TET1: variants seen among roughly 807,000 people sequenced by gnomAD.
The protein encoded by TET1 is methylcytosine dioxygenase TET1.
A neutral mutation model predicts 148.7 loss-of-function variants in TET1; 13 were observed. That is an observed-to-expected ratio of 0.09 (90% CI 0.06 to 0.14). The LOEUF (loss-of-function observed/expected upper bound fraction) is 0.14, where lower values mean the gene tolerates loss of function less well. TET1 is among the 10% of genes least tolerant of loss of function. The pLI, the probability that TET1 is intolerant of heterozygous loss-of-function variation, is 1.00. For synonymous variants in TET1, 907 were observed against 937.2 expected, an observed-to-expected ratio of 0.97 and a Z score of 0.59; for missense variants, 2,182 against 2,553.8, an observed-to-expected ratio of 0.85 and a Z score of 3.14.
At chr10:68,689,078 T>G (rs1293211578) in intron 11 of TET1, among the ~76,000 whole-genome samples, 1 of 152,246 alleles carries the variant, frequency 6.6e-6, no homozygotes, top group African/African-American at 2.4e-5. Context: ...AATGTCCTTT[T>G]GTAATTCTAC....
At chr10:68,618,094 G>A (rs936777229) in intron 3 of TET1, among the ~76,000 whole-genome samples, 1 of 151,950 alleles carries the variant, frequency 6.6e-6, no homozygotes, top group African/African-American at 2.4e-5. Context: ...GGGGTGGGGA[G>A]GGCATAGCAA....
chr10:68,606,219 T>G (rs2054121644), intron 3 of TET1, among the ~76,000 whole-genome samples: 1 of 151,948 alleles, frequency 6.6e-6, no homozygotes, highest in Non-Finnish European at 1.5e-5. Flanking sequence ...ATACAAATAT[T>G]CGCCAGGTGT....
At chr10:68,564,683 A>G (rs1194762582) in intron 1 of TET1, among the ~76,000 whole-genome samples, 1 of 152,166 alleles carries the variant, frequency 6.6e-6, no homozygotes, top group African/African-American at 2.4e-5. Context: ...TCATGTAGCT[A>G]TCTCTGCAGC....
At chr10:68,607,816 A>G (rs1256286306) in intron 3 of TET1, among the ~76,000 whole-genome samples, 4 of 148,214 alleles carry the variant, frequency 2.7e-5, no homozygotes, top group Non-Finnish European at 4.5e-5. Flanking sequence ...TATATAGAAT[A>G]TATAAATATG....
At chr10:68,683,609 T>C (rs1225919416) in intron 10 of TET1, among the ~76,000 whole-genome samples, 1 of 151,946 alleles carries the variant, frequency 6.6e-6, no homozygotes, top group Non-Finnish European at 1.5e-5. Flanking sequence ...AGATGGGGTT[T>C]CACCGTGTTA....
At chr10:68,683,309 C>G (rs1339359548) in intron 10 of TET1, among the ~76,000 whole-genome samples, 3 of 152,114 alleles carry the variant, frequency 2.0e-5, no homozygotes, top group Non-Finnish European at 4.4e-5. Flanking sequence ...GACGGAGTCT[C>G]ACTCTGTCGC....
intron 8 of TET1, among the ~76,000 whole-genome samples, chr10:68,679,043 G>A (rs2055401692): frequency 6.6e-6 from 1 of 152,138 alleles, no homozygotes; most frequent in African/African-American, 2.4e-5. Flanking sequence ...CGGGCGTGGT[G>A]GCTCATGCTT....
At chr10:68,597,397 A>G (rs2054001558) in intron 2 of TET1, among the ~76,000 whole-genome samples, 1 of 152,186 alleles carries the variant, frequency 6.6e-6, no homozygotes, top group Non-Finnish European at 1.5e-5. Flanking sequence ...ATATTGAACA[A>G]TTAACCTGGA....
At chr10:68,581,123 T>C (rs1013328010) in intron 2 of TET1, among the ~76,000 whole-genome samples, 4 of 152,210 alleles carry the variant, frequency 2.6e-5, no homozygotes, top group African/African-American at 9.6e-5. Flanking sequence ...CCTTAGACTT[T>C]ATTAAGTCAT....
chr10:68,662,705 A>C (rs536028656), intron 6 of TET1, among the ~76,000 whole-genome samples: 1 of 152,294 alleles, frequency 6.6e-6, no homozygotes, highest in Admixed American at 6.5e-5. Flanking sequence ...AGTTTGAGAC[A>C]AACCTGGGCA....
chr10:68,624,284 G>A (rs1255730953), intron 3 of TET1, among the ~76,000 whole-genome samples: 1 of 148,622 alleles, frequency 6.7e-6, no homozygotes, highest in Non-Finnish European at 1.5e-5. Flanking sequence ...TGTGTTTTTT[G>A]TTTGTTTGTT....
At chr10:68,602,445 G>T (rs947897370) in intron 3 of TET1, among the ~76,000 whole-genome samples, 1 of 152,124 alleles carries the variant, frequency 6.6e-6, no homozygotes. Flanking sequence ...TCATTTGTTG[G>T]GGTTGTGGAT....
chr10:68,562,693 G>C (rs2053566800), intron 1 of TET1, among the ~76,000 whole-genome samples: 2 of 151,966 alleles, frequency 1.3e-5, no homozygotes, highest in Admixed American at 1.3e-4. Context: ...ATCGCTCTCC[G>C]GGCTGGTCTC....
intron 1 of TET1, among the ~76,000 whole-genome samples, chr10:68,560,975 A>G (rs2053545536): frequency 2.6e-5 from 4 of 152,146 alleles, no homozygotes; most frequent in Admixed American, 2.0e-4. Flanking sequence ...GGCCGGAGGT[A>G]TCGGCCACCC....
chr10:68,680,229 A>G (rs768783111), intron 8 of TET1, among the ~76,000 whole-genome samples: 7 of 152,252 alleles, frequency 4.6e-5, no homozygotes, highest in Admixed American at 2.6e-4. Context: ...CCAAAGGTCA[A>G]TTGATTCATA....
chr10:68,646,098 A>T lies in TET1; in HGVS notation c.3369A>T (p.Ile1123=), dbSNP rs3998860. The T allele has an allele frequency of 9.9e-5, 159 of 1,613,834 alleles. No individual in the cohort carries two copies. In the Middle Eastern group the frequency reaches 1.2e-3, roughly 12 times the overall value. The change falls in exon 4 of 12, where the codon ATA becomes ATT. Residue 1123 remains isoleucine, a synonymous_variant. Transcript: ENST00000373644. ...AATACAATCAGGAGAAGGGCACAAT[A>T]CAACAGAAACCACCTTCAAGTGTAC... ...QQKYNQEKGT[I]QQKPPSSVHN...
rs765533957 is a variant in TET1, at chr10:68,573,990, C to G, written c.1652C>G (p.Thr551Ser). 19 of 1,614,174 alleles carry G rather than the reference C, an allele frequency of 1.2e-5. No homozygotes were observed. The highest frequency in any genetic ancestry group is 1.4e-5 in the Non-Finnish European group (17 of 1,180,042). ...SDRGSSQVSVTSTVHVVNTTV... is the reference protein window; with the variant it reads ...SDRGSSQVSVSSTVHVVNTTV... ...AGAGGGAGCTCCCAGGTCAGTGTAA[C>G]CAGCACAGTTCATGTTGTCAACACC... The change falls in exon 2 of 12, where the codon ACC (threonine) becomes AGC (serine). Residue 551 changes from threonine to serine, a missense_variant. Transcript: ENST00000373644.
At position 68,667,173 on chromosome 10, in the gene TET1, C is replaced by T. The variant is rs202188312; in HGVS notation, c.4590C>T (p.Ala1530=). The change falls in exon 7 of 12, where the codon GCC becomes GCT. Residue 1530 remains alanine, a synonymous_variant. Coordinates refer to ENST00000373644, the MANE Select transcript of TET1 (RefSeq NM_030625.3). ...MVWDGIPLPM[A]DRLYTELTEN... is the part of the protein sequence containing the mutation. ...GGGATGGCATCCCTCTTCCAATGGC[C>T]GACCGGCTATACACAGAGCTCACAG... is the stretch of plus-strand genomic sequence containing the variant. 2.1e-4 allele frequency: 346 copies of T among 1,614,036 alleles called. 1 individual carries two copies. The highest frequency in any genetic ancestry group is 1.1e-3 in the Admixed American group (66 of 59,994).
chr10:68,603,803 T>G (rs539277873), intron 3 of TET1, among the ~76,000 whole-genome samples: 19 of 152,264 alleles, frequency 1.2e-4, no homozygotes, highest in African/African-American at 4.6e-4. Flanking sequence ...CTATTATCCA[T>G]ATTTATACCA....
Sources: allele counts gnomAD v4.1 joint callset (sites outside exome capture counted in the v4.1 genomes callset), GRCh38; gene constraint gnomAD v4.1.1; transcripts MANE v1.5; gene names NCBI Gene and HGNC (gene_info 2026-07-23, HGNC 2026-07-21).